Variants in ANHX observed in about 807,000 individuals in gnomAD.
ANHX encodes the protein anomalous homeobox protein.
ANHX carries 20 observed loss-of-function variants against 38.9 expected under a neutral mutation model. That is an observed-to-expected ratio of 0.51 (90% CI 0.36 to 0.75). The LOEUF (loss-of-function observed/expected upper bound fraction) is 0.75, where lower values mean the gene tolerates loss of function less well. Ranked by LOEUF, ANHX falls within the 30% of genes least tolerant of loss-of-function variation. ANHX has a pLI of 0.00. For synonymous variants in ANHX, 185 were observed against 203.1 expected, an observed-to-expected ratio of 0.91 and a Z score of 0.76; for missense variants, 475 against 493.1, an observed-to-expected ratio of 0.96 and a Z score of 0.35.
intron 8 of ANHX, among the ~76,000 whole-genome samples, chr12:133,219,751 G>A (rs894220080): frequency 1.3e-5 from 2 of 152,250 alleles, no homozygotes; most frequent in African/African-American, 4.8e-5. Flanking sequence ...ACATGGCCAC[G>A]GCACTCCTGG....
At chr12:133,222,034 C>T (rs1349305577) in intron 7 of ANHX, among the ~76,000 whole-genome samples, 1 of 152,132 alleles carries the variant, frequency 6.6e-6, no homozygotes, top group Admixed American at 6.6e-5. Context: ...TCATGTGGTC[C>T]TCCTTCCTGT....
chr12:133,232,344 T>C (rs1398241877), intron 2 of ANHX, among the ~76,000 whole-genome samples: 1 of 45,772 alleles, frequency 2.2e-5, no homozygotes, highest in Non-Finnish European at 4.5e-5. Flanking sequence ...GAGTGATCCC[T>C]GTGGCCCCAC....
intron 7 of ANHX, among the ~76,000 whole-genome samples, chr12:133,224,371 G>A (rs1458731406): frequency 2.6e-5 from 4 of 152,180 alleles, no homozygotes; most frequent in Non-Finnish European, 4.4e-5. Context: ...ATTAAATATA[G>A]GTAAATTTGG....
intron 7 of ANHX, among the ~76,000 whole-genome samples, chr12:133,223,478 C>G (rs1855045971): frequency 6.8e-6 from 1 of 146,078 alleles, no homozygotes; most frequent in African/African-American, 2.5e-5. Context: ...CGGAGCCTCA[C>G]TCTGTCACCC....
chr12:133,227,769 G>T (rs1464563242), intron 4 of ANHX, 55 bp downstream of exon 4: 1 of 1,529,090 alleles, frequency 6.5e-7, no homozygotes, highest in African/African-American at 1.4e-5. Flanking sequence ...CCCCTTGGGG[G>T]ACAGGGAGGC....
intron 1 of ANHX, 65 bp from the exon 2 acceptor site, chr12:133,234,443 C>T: frequency 6.8e-7 from 1 of 1,472,392 alleles, no homozygotes; most frequent in Non-Finnish European, 9.0e-7. Context: ...AGTCAATCGC[C>T]CAACCCACTC....
chr12:133,219,303 G>A lies in ANHX; in HGVS notation c.1345C>T (p.Gln449Ter). 1 of 1,535,566 alleles carries A rather than the reference G, an allele frequency of 6.5e-7. No individual in the cohort carries two copies. The highest frequency in any genetic ancestry group is 8.7e-7 in the Non-Finnish European group (1 of 1,146,832). ...CTCACCTGGCTGGAGGGCAGGGCCT[G>A]GCTCAGCTCCATGGCAGACACAGGG... Reference protein sequence around the residue: ...PGPVSAMELSQALPSSQVQCS... With the variant: ...PGPVSAMELS Residue 449 changes from glutamine to a stop codon, truncating the protein, a stop_gained, in exon 9 of 10, where the codon CAG (glutamine) becomes TAG (stop). Transcript: ENST00000545940. LOFTEE classifies it low-confidence loss of function (END_TRUNC).
chr12:133,234,161 C>T lies in ANHX; in HGVS notation c.196G>A (p.Ala66Thr), dbSNP rs971327129. 1.2e-5 allele frequency: 19 copies of T among 1,535,992 alleles called. No individual in the cohort carries two copies. Among genetic ancestry groups the T allele is most frequent in the African/African-American group, 1.4e-5 (1 of 73,052 alleles). The change falls in exon 2 of 10, where the codon GCC becomes ACC. Residue 66 changes from alanine to threonine, a missense_variant. Transcript: ENST00000545940. ...TGCTCCTGCTGGTCCAGGACACGGG[C>T]GCACGCCAGGGCCACATCTGCGTTG... ...LDNADVALAC[A>T]RVLDQQEQQQ...
chr12:133,227,713 C>G, intron 4 of ANHX, 111 bp downstream of exon 4: 1 of 1,307,794 alleles, frequency 7.6e-7, no homozygotes, highest in African/African-American at 1.5e-5. Context: ...CTGAAACCAC[C>G]AGCACCCTGG....
intron 7 of ANHX, among the ~76,000 whole-genome samples, chr12:133,224,520 G>A (rs1004473793): frequency 3.3e-5 from 5 of 151,216 alleles, no homozygotes; most frequent in South Asian, 4.2e-4. Flanking sequence ...AAAATTAGCC[G>A]GGCGTGGTGG....
At chr12:133,229,204 G>A (rs924188022) in intron 3 of ANHX, among the ~76,000 whole-genome samples, 12 of 152,170 alleles carry the variant, frequency 7.9e-5, no homozygotes, top group African/African-American at 2.9e-4. Flanking sequence ...AAAGGGATGC[G>A]TGTCTGAGCA....
chr12:133,222,005 A>G (rs1021071235), intron 7 of ANHX, among the ~76,000 whole-genome samples: 2 of 152,150 alleles, frequency 1.3e-5, no homozygotes, highest in African/African-American at 4.8e-5. Context: ...ACATGGAACA[A>G]GCGGCCTGGG....
At chr12:133,230,613 C>T (rs1957256423) in intron 3 of ANHX, among the ~76,000 whole-genome samples, 1 of 152,042 alleles carries the variant, frequency 6.6e-6, no homozygotes, top group Non-Finnish European at 1.5e-5. Flanking sequence ...CCTGTCTCTA[C>T]AAAAAATTAA....
At position 133,227,762 on chromosome 12, in the gene ANHX, C is replaced by T; in HGVS notation, c.501+62G>A. On this transcript the variant is annotated intron_variant, in intron 4 of 9. Transcript: ENST00000545940. ...TGAGGAGCCTGGGGTGGGGGTACCC[C>T]TTGGGGGACAGGGAGGCACCAGGCA... The T allele has an allele frequency of 4.6e-6, 7 of 1,525,252 alleles. No homozygotes were observed. In the South Asian group the frequency reaches 7.3e-5, roughly 16 times the overall value. The allele number at this position is 1,525,252 out of a possible 1,614,324, so 94.5% of individuals were successfully genotyped here.
chr12:133,221,337 G>T lies in ANHX; in HGVS notation c.1148C>A (p.Pro383His), dbSNP rs762827806. ...TTGCACGCTCTGGGGATGGCCGCTG[G>T]GGGGGCCAGAAAACCCTGCATGTAA... The part of the protein sequence containing the change: ...DPSPTGFSGP[P>H]SGHPQSVQLE... Residue 383 changes from proline (P) to histidine (H), a missense_variant, in exon 8 of 10, where the codon CCC becomes CAC. Pro to His is a moderately conservative substitution (Grantham distance 77, BLOSUM62 -2). Transcript: ENST00000545940. The surrounding 1 kb of genome is among the most constrained non-coding windows in gnomAD (Gnocchi z 4.1). 1.2e-5 allele frequency: 19 copies of T among 1,535,340 alleles called. No homozygotes were observed. In the South Asian group the frequency reaches 1.9e-4, roughly 15 times the overall value.
intron 1 of ANHX, 66 bp downstream of exon 1, chr12:133,235,738 CATT>C (rs1957369597): frequency 8.5e-6 from 1 of 117,174 alleles, no homozygotes; most frequent in Middle Eastern, 3.8e-3. Flanking sequence ...GCGCCCCTCA[CATT>C]CCAGGCCCCC....
rs1593973134 is a variant in ANHX at position 133,231,541 on chromosome 12, A to C, written c.353T>G (p.Val118Gly). Reference protein sequence around the residue: ...RRLGVAALTPVQKFRCRKRNP... With the variant: ...RRLGVAALTPGQKFRCRKRNP... ...CCTCTTCCTGCAGCGGAACTTCTGCACCGGGGTGAGCGCAGCCACGCCCAG... is the reference window on the plus strand; with the variant it reads ...CCTCTTCCTGCAGCGGAACTTCTGCCCCGGGGTGAGCGCAGCCACGCCCAG... Residue 118 changes from valine (V) to glycine (G), a missense_variant, in exon 3 of 10, where the codon GTG becomes GGG. Transcript: ENST00000545940. 1.3e-6 allele frequency: 2 copies of C among 1,536,128 alleles called. No individual in the cohort carries two copies. The highest frequency in any genetic ancestry group is 8.7e-7 in the Non-Finnish European group (1 of 1,146,914).
intron 7 of ANHX, among the ~76,000 whole-genome samples, chr12:133,224,331 G>C (rs893607328): frequency 6.6e-6 from 1 of 152,188 alleles, no homozygotes; most frequent in African/African-American, 2.4e-5. Context: ...AAAAAAAGCT[G>C]AAGAGAAAAG....
At chr12:133,223,539 G>A (rs1031093127) in intron 7 of ANHX, among the ~76,000 whole-genome samples, 12 of 148,208 alleles carry the variant, frequency 8.1e-5, no homozygotes, top group South Asian at 2.1e-4. Flanking sequence ...TCCACCTCCC[G>A]GGTTCAAGTG....
Sources: allele counts gnomAD v4.1 joint callset (sites outside exome capture counted in the v4.1 genomes callset), GRCh38; gene constraint gnomAD v4.1.1; non-coding constraint Gnocchi (gnomAD v3.1); transcripts MANE v1.5; gene names NCBI Gene and HGNC (gene_info 2026-07-23, HGNC 2026-07-21).